CARS2: variants seen among roughly 807,000 people sequenced by gnomAD.
The protein encoded by CARS2 is probable cysteine--tRNA ligase, mitochondrial.
A neutral mutation model predicts 68.8 loss-of-function variants in CARS2; 52 were observed. The observed-to-expected ratio is 0.76, with a 90% CI of 0.61 to 0.95. The LOEUF (loss-of-function observed/expected upper bound fraction) is 0.95, where lower values mean the gene tolerates loss of function less well. Among genes scored for constraint, CARS2 ranks in the 40% least tolerant of loss-of-function variants. The probability of loss-of-function intolerance (pLI) is 0.00; values close to 1 mark genes in which losing one functional copy is unlikely to be tolerated. For missense variants in CARS2, 780 were observed against 754.2 expected (o/e 1.03, Z -0.40); for synonymous variants, 314 against 303.6 (o/e 1.03, Z -0.36).
chr13:110,649,248 T>A (rs1445564373), intron 10 of CARS2: 1 of 152,276 alleles, frequency 6.6e-6, no homozygotes, highest in African/African-American at 2.4e-5. Flanking sequence ...CCTGGGCCGA[T>A]GCACTGCAGT....
At chr13:110,669,945 C>T (rs1347731829) in intron 7 of CARS2, among the ~76,000 whole-genome samples, 2 of 152,212 alleles carry the variant, frequency 1.3e-5, no homozygotes, top group East Asian at 1.9e-4. Context: ...CCCACGCCCA[C>T]GGAGCCTCGC....
intron 6 of CARS2, among the ~76,000 whole-genome samples, chr13:110,682,605 G>A (rs2063187905): frequency 6.6e-6 from 1 of 152,160 alleles, no homozygotes; most frequent in African/African-American, 2.4e-5. Context: ...CCATAAAAAT[G>A]TTTTGACCTA....
intron 14 of CARS2, 94 bp from the exon 15 acceptor site, chr13:110,641,702 C>T: frequency 1.0e-6 from 1 of 979,916 alleles, no homozygotes; most frequent in Non-Finnish European, 1.6e-6. Flanking sequence ...GTGCCTGTTC[C>T]CTCACCGGCC....
rs533679147 is a variant in CARS2 at position 110,676,635 on chromosome 13, C to G, written c.785+339G>C. On this transcript the variant is annotated intron_variant, in intron 7 of 14. Transcript: ENST00000257347. The surrounding 1 kb of genome is among the most constrained non-coding windows in gnomAD (Gnocchi z 4.0). ...GAGGGATTTGGGGGCTAGAGAAGTGCGAAGCGAGGAGGGATGTAGGTGCAA... is the reference window on the plus strand; with the variant it reads ...GAGGGATTTGGGGGCTAGAGAAGTGGGAAGCGAGGAGGGATGTAGGTGCAA... 6.6e-6 allele frequency among the ~76,000 whole-genome samples: 1 copy of G among 152,004 alleles called. No homozygotes were observed. Among genetic ancestry groups the G allele is most frequent in the East Asian group, 1.9e-4 (1 of 5,172 alleles).
chr13:110,686,072 C>T (rs1055811760), intron 5 of CARS2, among the ~76,000 whole-genome samples: 4 of 150,890 alleles, frequency 2.7e-5, no homozygotes, highest in Admixed American at 6.6e-5. Context: ...CAAATGCACA[C>T]GCAGCACATG....
At chr13:110,712,919 A>G (rs1365263175) in intron 1 of CARS2, 3 of 1,553,388 alleles carry the variant, frequency 1.9e-6, no homozygotes, top group Non-Finnish European at 2.6e-6. Context: ...GCGGTGACGG[A>G]TGGCGCAGGC....
At chr13:110,663,713 A>C (rs940822559) in intron 8 of CARS2, 195 bp from the exon 9 acceptor site, 4 of 1,386,026 alleles carry the variant, frequency 2.9e-6, no homozygotes, top group Non-Finnish European at 3.7e-6. Flanking sequence ...CCCTTGTTCC[A>C]CGGTGCAGGG....
In CARS2 at chr13:110,670,827, A is replaced by G. The variant is rs569471305; in HGVS notation, c.786-3354T>C. ...GCTAAAAACCTTCAAAAAAGATTAGACGAATGGCTAACCAGAATAAACAGC... is the reference window on the plus strand; with the variant it reads ...GCTAAAAACCTTCAAAAAAGATTAGGCGAATGGCTAACCAGAATAAACAGC... On this transcript the variant is annotated intron_variant, in intron 7 of 14. Coordinates refer to ENST00000257347, the MANE Select transcript of CARS2 (RefSeq NM_024537.4). The surrounding 1 kb of genome is among the most constrained non-coding windows in gnomAD (Gnocchi z 4.1). Among the ~76,000 whole-genome samples the G allele has an allele frequency of 6.6e-6, 1 of 152,314 alleles. No individual in the cohort carries two copies. The highest frequency in any genetic ancestry group is 2.4e-5 in the African/African-American group (1 of 41,574).
At chr13:110,713,292 T>C in exon 1 of CARS2, 12 of 1,276,000 alleles carry the variant, frequency 9.4e-6, no homozygotes, top group Non-Finnish European at 1.2e-5. Flanking sequence ...GTTGCGGTAG[T>C]TGCTGTGTAC....
chr13:110,645,808 G>A, intron 12 of CARS2, 159 bp downstream of exon 12: 1 of 970,250 alleles, frequency 1.0e-6, no homozygotes, highest in Non-Finnish European at 1.5e-6. Context: ...GCCATCCCGT[G>A]TGTCAGCGGC....
At chr13:110,688,629 C>G in intron 3 of CARS2, among the ~76,000 whole-genome samples, 1 of 152,040 alleles carries the variant, frequency 6.6e-6, no homozygotes. Context: ...AAAGAGGAGG[C>G]TGGGTGTTGT....
chr13:110,684,565 C>T (rs1454322858), intron 5 of CARS2, among the ~76,000 whole-genome samples: 2 of 151,444 alleles, frequency 1.3e-5, no homozygotes, highest in Admixed American at 1.3e-4. Context: ...CCAAGCCACA[C>T]TGGCCTTTCC....
intron 14 of CARS2, 146 bp downstream of exon 14, chr13:110,642,169 T>G (rs1594198683): frequency 1.5e-6 from 1 of 669,706 alleles, no homozygotes; most frequent in South Asian, 1.8e-5. Flanking sequence ...ATCACGCCAT[T>G]GCACTCCAGC....
Position 110,676,918 on chromosome 13 carries a change from G to A in CARS2, c.785+56C>T. The A allele has an allele frequency of 6.8e-7, 1 of 1,478,870 alleles. No homozygotes were observed. Among genetic ancestry groups the A allele is most frequent in the Non-Finnish European group, 9.0e-7 (1 of 1,110,468 alleles). The allele number at this position is 1,478,870 out of a possible 1,614,324, so 91.6% of individuals were successfully genotyped here. ...TCCCATGCACATCCTCTGCTGCCCTGAGCAGGCACCAGGGGAACTTGAGCC... is the reference window on the plus strand; with the variant it reads ...TCCCATGCACATCCTCTGCTGCCCTAAGCAGGCACCAGGGGAACTTGAGCC... On this transcript the variant is annotated intron_variant, in intron 7 of 14. Coordinates refer to ENST00000257347, the MANE Select transcript of CARS2 (RefSeq NM_024537.4). The surrounding 1 kb of genome is among the most constrained non-coding windows in gnomAD (Gnocchi z 4.0).
chr13:110,690,401 T>C (rs1320687446), intron 3 of CARS2, among the ~76,000 whole-genome samples: 1 of 152,152 alleles, frequency 6.6e-6, no homozygotes, highest in East Asian at 1.9e-4. Flanking sequence ...AACGTGGTTA[T>C]ATATATACAT....
intron 7 of CARS2, among the ~76,000 whole-genome samples, chr13:110,672,639 C>A (rs1286542839): frequency 1.3e-5 from 2 of 152,192 alleles, no homozygotes; most frequent in East Asian, 3.8e-4. Context: ...AACACCCTAA[C>A]ATCACAATTA....
At chr13:110,647,937 T>G (rs1388696718) in intron 10 of CARS2, among the ~76,000 whole-genome samples, 2 of 152,200 alleles carry the variant, frequency 1.3e-5, no homozygotes, top group African/African-American at 4.8e-5. Context: ...TCCCAGGCTG[T>G]CTGAGTCCAC....
intron 10 of CARS2, among the ~76,000 whole-genome samples, chr13:110,649,985 T>G (rs2062161273): frequency 6.9e-6 from 1 of 144,272 alleles, no homozygotes; most frequent in African/African-American, 2.6e-5. Flanking sequence ...TTACCCAGGC[T>G]GGAGTGCAGT....
At chr13:110,647,572 T>A (rs768519614) in intron 10 of CARS2, among the ~76,000 whole-genome samples, 3 of 151,756 alleles carry the variant, frequency 2.0e-5, no homozygotes, top group Admixed American at 6.6e-5. Context: ...CCGCCCTGGA[T>A]GGATGGAGGT....
Sources: gnomAD v4.1 joint callset for allele counts (sites outside exome capture counted in the v4.1 genomes callset) on GRCh38, gnomAD v4.1.1 for gene constraint, Gnocchi (gnomAD v3.1) non-coding constraint, MANE v1.5 for transcripts, NCBI Gene and HGNC (gene_info 2026-07-23, HGNC 2026-07-21) for gene names.